The following ADAMTSL1 variants were observed in gnomAD, a reference collection of about 807,000 sequenced individuals.
ADAMTSL1 encodes the protein ADAMTS-like protein 1.
A neutral mutation model predicts 201.8 loss-of-function variants in ADAMTSL1; 126 were observed. That is an observed-to-expected ratio of 0.62 (90% CI 0.54 to 0.72). The LOEUF is 0.72. ADAMTSL1 is among the 30% of genes least tolerant of loss of function. The pLI is 0.00. For synonymous variants in ADAMTSL1, 1,121 were observed against 903.4 expected (o/e 1.24, Z -4.32); for missense variants, 2,679 against 2,277.8 (o/e 1.18, Z -3.59).
At chr9:18,745,098 C>G (rs1273479593) in intron 15 of ADAMTSL1, among the ~76,000 whole-genome samples, 1 of 152,052 alleles carries the variant, frequency 6.6e-6, no homozygotes, top group African/African-American at 2.4e-5. Context: ...TAATAAGTAA[C>G]AAAGAAGTAT....
intron 2 of ADAMTSL1, among the ~76,000 whole-genome samples, chr9:18,422,811 T>A (rs1416766140): frequency 1.3e-5 from 2 of 152,176 alleles, no homozygotes; most frequent in Non-Finnish European, 2.9e-5. Context: ...GTTGCTTTCT[T>A]GTATGTCTTC....
At chr9:17,940,760 G>C (rs57051926) in intron 1 of ADAMTSL1, among the ~76,000 whole-genome samples, 1 of 103,628 alleles carries the variant, frequency 9.6e-6, no homozygotes, top group Non-Finnish European at 2.0e-5. Flanking sequence ...ACCCTAACTC[G>C]AAAAATAAAT....
chr9:18,748,611 T>C (rs1717847020), intron 15 of ADAMTSL1, among the ~76,000 whole-genome samples: 1 of 151,950 alleles, frequency 6.6e-6, no homozygotes, highest in African/African-American at 2.4e-5. Context: ...AAGTTGGGAG[T>C]AAACAGTTGT....
intron 1 of ADAMTSL1, among the ~76,000 whole-genome samples, chr9:17,974,516 C>A (rs147545975): frequency 6.6e-6 from 1 of 151,956 alleles, no homozygotes; most frequent in Non-Finnish European, 1.5e-5. Flanking sequence ...CCAACATCTC[C>A]CCAATGTTCC....
intron 1 of ADAMTSL1, among the ~76,000 whole-genome samples, chr9:17,974,052 A>T (rs922501029): frequency 6.6e-6 from 1 of 152,092 alleles, no homozygotes; most frequent in South Asian, 2.1e-4. Context: ...ACAACCCTTC[A>T]TGCTAAAAAC....
chr9:18,458,923 A>G (rs1482316093), intron 2 of ADAMTSL1, among the ~76,000 whole-genome samples: 1 of 152,194 alleles, frequency 6.6e-6, no homozygotes, highest in Non-Finnish European at 1.5e-5. Context: ...CTGTTCCCTT[A>G]TCAACAGTAT....
chr9:18,443,541 AT>A (rs1261689210), intron 2 of ADAMTSL1, among the ~76,000 whole-genome samples: 5 of 152,350 alleles, frequency 3.3e-5, no homozygotes, highest in African/African-American at 4.8e-5. Flanking sequence ...TATAGAACTC[AT>A]TCAGTGTTGG....
At chr9:18,321,616 A>T (rs1192125653) in intron 2 of ADAMTSL1, among the ~76,000 whole-genome samples, 1 of 151,888 alleles carries the variant, frequency 6.6e-6, no homozygotes, top group Non-Finnish European at 1.5e-5. Flanking sequence ...ACACAGTGAA[A>T]CCACATCTCT....
At chr9:18,546,282 T>C (rs868328133) in intron 3 of ADAMTSL1, among the ~76,000 whole-genome samples, 21 of 152,098 alleles carry the variant, frequency 1.4e-4, no homozygotes, top group African/African-American at 5.1e-4. Flanking sequence ...GTCATCACAG[T>C]GGGAAGGCTA....
chr9:18,206,053 CAAAAAAAAAAAAA>C (rs71333031), intron 2 of ADAMTSL1, among the ~76,000 whole-genome samples: 3 of 54,338 alleles, frequency 5.5e-5, no homozygotes, highest in South Asian at 1.0e-3. Context: ...GACTCCATCT[CAAAAAAAAAAAAA>C]AAAAAAAAAA....
At chr9:18,790,192 T>C (rs1821942743) in intron 19 of ADAMTSL1, among the ~76,000 whole-genome samples, 1 of 152,210 alleles carries the variant, frequency 6.6e-6, no homozygotes, top group Non-Finnish European at 1.5e-5. Flanking sequence ...CTATGAGATC[T>C]TCGCAAGAAC....
chr9:18,898,401 T>C (rs1351567849), intron 26 of ADAMTSL1, among the ~76,000 whole-genome samples: 7 of 152,088 alleles, frequency 4.6e-5, no homozygotes, highest in Admixed American at 3.9e-4. Flanking sequence ...GAATAGACCA[T>C]GCAGAAGAAA....
chr9:18,109,012 A>G (rs1306578500), intron 1 of ADAMTSL1, among the ~76,000 whole-genome samples: 1 of 152,188 alleles, frequency 6.6e-6, no homozygotes, highest in Non-Finnish European at 1.5e-5. Flanking sequence ...ACTCAGTGCT[A>G]TAGTTTTTTT....
chr9:18,766,913 A>G (rs1285591633), intron 16 of ADAMTSL1, among the ~76,000 whole-genome samples: 1 of 152,184 alleles, frequency 6.6e-6, no homozygotes, highest in Non-Finnish European at 1.5e-5. Context: ...AAAAGGCAAG[A>G]GATGATGGAT....
chr9:18,299,383 C>T (rs1833608740), intron 2 of ADAMTSL1, among the ~76,000 whole-genome samples: 1 of 152,022 alleles, frequency 6.6e-6, no homozygotes, highest in Admixed American at 6.6e-5. Context: ...TTTTAAAATT[C>T]GATTTTAAAT....
rs1821083976 is a variant in ADAMTSL1, at chr9:18,777,227, G to A, written c.2998G>A (p.Gly1000Arg). ...CCTGCAGACCCACAAACACCAGAAC[G>A]GGATCTTCTCCAACGGCAGCAAGGC... ...EALQTHKHQN[G>R]IFSNGSKAEK... The change falls in exon 19 of 29, where the codon GGG becomes AGG. Residue 1000 changes from glycine (G) to arginine (R), a missense_variant. Gly to Arg is a moderately radical substitution (Grantham distance 125). Transcript: ENST00000380548. 6.2e-7 allele frequency: 1 copy of A among 1,612,748 alleles called. No homozygotes were observed. The highest frequency in any genetic ancestry group is 8.5e-7 in the Non-Finnish European group (1 of 1,179,772).
At chr9:18,876,002 T>C (rs541185971) in intron 23 of ADAMTSL1, among the ~76,000 whole-genome samples, 47 of 150,926 alleles carry the variant, frequency 3.1e-4, no homozygotes, top group Admixed American at 1.4e-3. Flanking sequence ...TGTCTCTCTT[T>C]GTCTTTTTTA....
chr9:18,476,041 C>T (rs1414060589), intron 1 of ADAMTSL1, among the ~76,000 whole-genome samples: 1 of 151,960 alleles, frequency 6.6e-6, no homozygotes, highest in African/African-American at 2.4e-5. Flanking sequence ...ATTTAAATTA[C>T]AATAATTGTA....
At chr9:18,168,302 T>A (rs1361502491) in intron 2 of ADAMTSL1, among the ~76,000 whole-genome samples, 2 of 151,950 alleles carry the variant, frequency 1.3e-5, no homozygotes, top group Admixed American at 6.6e-5. Context: ...GGGTCCCTGG[T>A]GTGTGATGTT....
Sources: allele counts gnomAD v4.1 joint callset (sites outside exome capture counted in the v4.1 genomes callset), GRCh38; gene constraint gnomAD v4.1.1; transcripts MANE v1.5; gene names NCBI Gene and HGNC (gene_info 2026-07-23, HGNC 2026-07-21).